ZNF75A: variants seen among roughly 807,000 people sequenced by gnomAD.
ZNF75A encodes zinc finger protein 75A.
A neutral mutation model predicts 46.3 loss-of-function variants in ZNF75A; 36 were observed. That is an observed-to-expected ratio of 0.78 (90% CI 0.60 to 1.03). The LOEUF (loss-of-function observed/expected upper bound fraction) is 1.03, where lower values mean the gene tolerates loss of function less well. ZNF75A is among the 50% of genes least tolerant of loss of function. ZNF75A has a pLI of 0.00. For synonymous variants in ZNF75A, 234 were observed against 189.9 expected, an observed-to-expected ratio of 1.23 and a Z score of -1.91; for missense variants, 595 against 551.3, an observed-to-expected ratio of 1.08 and a Z score of -0.79.
chr16:3,317,280 A>C lies in ZNF75A; in HGVS notation c.1025A>C (p.Lys342Thr), dbSNP rs757221241. 1.2e-6 allele frequency: 2 copies of C among 1,614,098 alleles called. No homozygotes were observed. The highest frequency in any genetic ancestry group is 3.3e-5 in the Admixed American group (2 of 60,022). ...GCATCAGCAGGCGTCATATCAAAAA[A>C]GGCCAAAGTAAAAGTTCCCCAGAAA... is the stretch of plus-strand genomic sequence containing the variant. ...IQASAGVISK[K>T]AKVKVPQKTA... Residue 342 changes from lysine (K) to threonine (T), a missense_variant, in exon 7 of 7, where the codon AAG (lysine) becomes ACG (threonine). Lys to Thr is a moderately conservative substitution (Grantham distance 78). Transcript: ENST00000669516.
At position 3,315,710 on chromosome 16, in the gene ZNF75A, C is replaced by G. The variant is rs879435458; in HGVS notation, c.824-1202C>G. Among the ~76,000 whole-genome samples, 6 of 152,358 alleles carry G rather than the reference C, an allele frequency of 3.9e-5. No homozygotes were observed. In the South Asian group the frequency reaches 8.3e-4, roughly 21 times the overall value. On this transcript the variant is annotated intron_variant, in intron 5 of 6. Transcript: ENST00000669516. The stretch of plus-strand genomic sequence containing the variant: ...GCCTTCGCTCTTGTCCTCCCACAGT[C>G]TGTTTTCTACACAGAACCCCAACTG...
chr16:3,316,790 C>G, intron 5 of ZNF75A, 122 bp from the exon 6 acceptor site: 2 of 649,228 alleles, frequency 3.1e-6, no homozygotes, highest in Non-Finnish European at 5.5e-6. Flanking sequence ...GGAGTCTATC[C>G]ATTTAACCAT....
downstream of ZNF75A, among the ~76,000 whole-genome samples, chr16:3,319,765 C>T (rs555766355): frequency 6.6e-5 from 10 of 151,468 alleles, no homozygotes; most frequent in African/African-American, 2.4e-4. Flanking sequence ...CATTGTGAGC[C>T]TCTGGCTGAA....
At chr16:3,310,618 C>G (rs1272473628) in intron 2 of ZNF75A, 1 of 939,808 alleles carries the variant, frequency 1.1e-6, no homozygotes, top group Non-Finnish European at 1.3e-6. Flanking sequence ...AGAGTGAGAC[C>G]CCCGTCTCAA....
intron 5 of ZNF75A, 50 bp downstream of exon 5, chr16:3,313,225 T>TA (rs780808958): frequency 6.3e-7 from 1 of 1,589,134 alleles, no homozygotes; most frequent in South Asian, 1.1e-5. Context: ...ATTCTTGGCT[T>TA]ACTGAGAAGG....
chr16:3,306,530 G>A (rs1960263115), intron 1 of ZNF75A: 1 of 152,030 alleles, frequency 6.6e-6, no homozygotes, highest in African/African-American at 2.4e-5. Context: ...TGGCCAAGAT[G>A]GTGAAACCCT....
chr16:3,308,984 T>A, intron 2 of ZNF75A, 148 bp downstream of exon 2: 1 of 311,482 alleles, frequency 3.2e-6, no homozygotes, highest in Non-Finnish European at 4.7e-6. Context: ...GACTTGAAAC[T>A]ACAGGCCCAC....
Position 3,317,487 on chromosome 16 carries a change from T to A in ZNF75A, c.1232T>A (p.Phe411Tyr). Reference protein sequence around the residue: ...PFKCQECGKTFRVSSDLIKHQ... With the variant: ...PFKCQECGKTYRVSSDLIKHQ... ...AAATGTCAGGAATGTGGGAAAACCT[T>A]CAGAGTTAGCTCTGACCTTATTAAG... The change falls in exon 7 of 7, where the codon TTC (phenylalanine) becomes TAC (tyrosine). Residue 411 changes from phenylalanine to tyrosine, a missense_variant. Phe to Tyr is a conservative substitution (Grantham distance 22). Transcript: ENST00000669516. 2.5e-6 allele frequency: 4 copies of A among 1,613,986 alleles called. No homozygotes were observed. The highest frequency in any genetic ancestry group is 3.4e-6 in the Non-Finnish European group (4 of 1,179,978).
intron 2 of ZNF75A, chr16:3,309,475 CA>C (rs60942250): frequency 1.1e-4 from 14 of 126,682 alleles, no homozygotes; most frequent in Non-Finnish European, 1.7e-4. Context: ...ACAAAAAAAA[CA>C]AAAAAAAAAC....
chr16:3,312,368 G>A (rs562184428), intron 3 of ZNF75A: 1 of 152,176 alleles, frequency 6.6e-6, no homozygotes, highest in Admixed American at 6.5e-5. Flanking sequence ...CTACCATACA[G>A]TGGAGTCCCT....
intron 5 of ZNF75A, among the ~76,000 whole-genome samples, chr16:3,313,876 C>A (rs1343266454): frequency 6.6e-6 from 1 of 152,168 alleles, no homozygotes; most frequent in Non-Finnish European, 1.5e-5. Flanking sequence ...TACTGAAGCC[C>A]TTGCTCAGTC....
At chr16:3,310,387 C>A (rs1567267715) in intron 2 of ZNF75A, among the ~76,000 whole-genome samples, 1 of 151,402 alleles carries the variant, frequency 6.6e-6, no homozygotes, top group Admixed American at 6.6e-5. Context: ...GAGCGAGACT[C>A]CATGTGAAAA....
downstream of ZNF75A, among the ~76,000 whole-genome samples, chr16:3,320,499 A>G (rs1303865553): frequency 1.3e-5 from 2 of 152,172 alleles, no homozygotes; most frequent in Non-Finnish European, 2.9e-5. Flanking sequence ...ATGCAACACT[A>G]ATGGGACCAC....
intron 2 of ZNF75A, chr16:3,310,730 A>G (rs1278324751): frequency 2.0e-6 from 2 of 985,514 alleles, no homozygotes; most frequent in African/African-American, 1.7e-5. Flanking sequence ...AAAAATCCCA[A>G]CAGAATAGCC....
In ZNF75A at chr16:3,318,469, G is replaced by A. The variant is rs1961392404; in HGVS notation, c.*600G>A. 1.0e-5 allele frequency: 10 copies of A among 985,392 alleles called. No homozygotes were observed. The highest frequency in any genetic ancestry group is 1.2e-5 in the Non-Finnish European group (10 of 829,940). The allele number at this position is 985,392 out of a possible 1,614,324, so 61.0% of individuals were successfully genotyped here. The stretch of plus-strand genomic sequence containing the variant: ...TCTCATTGGTGATGTTTGGAAAATA[G>A]AAGACATCTCTAATGGAATCATGGG... On this transcript the variant is annotated 3_prime_UTR_variant, in exon 7 of 7. Coordinates refer to ENST00000669516, the MANE Select transcript of ZNF75A (RefSeq NM_001302109.2).
chr16:3,310,814 C>T (rs998953173), intron 2 of ZNF75A: 2 of 985,510 alleles, frequency 2.0e-6, no homozygotes, highest in Non-Finnish European at 2.4e-6. Flanking sequence ...TCCCTTAATG[C>T]TTGTTCCTTG....
chr16:3,315,986 C>T (rs956648392), intron 5 of ZNF75A: 2 of 152,224 alleles, frequency 1.3e-5, no homozygotes, highest in Non-Finnish European at 2.9e-5. Context: ...CTTTGCCTTG[C>T]ATACTTTTCT....
intron 1 of ZNF75A, chr16:3,307,861 T>G (rs2150795436): frequency 6.6e-6 from 1 of 152,208 alleles, no homozygotes; most frequent in African/African-American, 2.4e-5. Context: ...GCTTCCATCT[T>G]CACAAGAGGA....
chr16:3,317,838 G>C lies in ZNF75A; in HGVS notation c.1583G>C (p.Ser528Thr). Residue 528 changes from serine to threonine, a missense_variant, in exon 7 of 7, where the codon AGC becomes ACC. Physicochemically the swap from Ser to Thr is moderately conservative, Grantham distance 58. Transcript: ENST00000669516. ...AGGAGAAACTTCAGCAGGCGGTCAAGCCTTCTTAGACACCAGAAACTCCAC... is the reference window on the plus strand; with the variant it reads ...AGGAGAAACTTCAGCAGGCGGTCAACCCTTCTTAGACACCAGAAACTCCAC... The part of the protein sequence containing the change: ...ICRRNFSRRS[S>T]LLRHQKLHL 1 of 1,612,642 alleles carries C rather than the reference G, an allele frequency of 6.2e-7. No individual in the cohort carries two copies.
Sources: gnomAD v4.1 joint callset for allele counts (sites outside exome capture counted in the v4.1 genomes callset) on GRCh38, gnomAD v4.1.1 for gene constraint, MANE v1.5 for transcripts, NCBI Gene and HGNC (gene_info 2026-07-23, HGNC 2026-07-21) for gene names.